Variants in B3GALNT2 observed in about 807,000 individuals in gnomAD.
The protein encoded by B3GALNT2 is beta-1,3-N-acetylgalactosaminyltransferase 2, also known as UDP-GalNAc:beta-1,3-N-acetylgalactosaminyltransferase 2.
A neutral mutation model predicts 61.1 loss-of-function variants in B3GALNT2; 53 were observed. That is an observed-to-expected ratio of 0.87 (90% CI 0.70 to 1.09). B3GALNT2 has a LOEUF of 1.09. Ranked by LOEUF, B3GALNT2 falls within the 50% of genes least tolerant of loss-of-function variation. The pLI is 0.00. For synonymous variants in B3GALNT2, 223 were observed against 237.4 expected (o/e 0.94, Z 0.56); for missense variants, 544 against 623.0 (o/e 0.87, Z 1.35).
intron 4 of B3GALNT2, among the ~76,000 whole-genome samples, chr1:235,481,948 C>T (rs374554435): frequency 1.3e-5 from 2 of 152,080 alleles, no homozygotes; most frequent in African/African-American, 4.8e-5. Flanking sequence ...AGAGGAAGAA[C>T]AGGGCAAATT....
intron 6 of B3GALNT2, among the ~76,000 whole-genome samples, chr1:235,469,751 G>C (rs1384951462): frequency 6.6e-6 from 1 of 150,882 alleles, no homozygotes; most frequent in Admixed American, 6.6e-5. Context: ...TAGTAGAGAC[G>C]GGGTTTCACC....
the B3GALNT2 span, chr1:235,441,971 T>C: frequency 8.9e-7 from 1 of 1,127,900 alleles, no homozygotes; most frequent in South Asian, 1.4e-5. Context: ...GTGTACCTCT[T>C]AAGTACCTAA....
At chr1:235,443,195 T>TATACAC (rs145989548), downstream of B3GALNT2, among the ~76,000 whole-genome samples, 2 of 149,522 alleles carry the variant, frequency 1.3e-5, no homozygotes, top group African/African-American at 5.0e-5. Flanking sequence ...CATATATATA[T>TATACAC]ACACACACAC....
chr1:235,461,755 T>C (rs900404965), intron 7 of B3GALNT2, among the ~76,000 whole-genome samples: 1 of 152,122 alleles, frequency 6.6e-6, no homozygotes, highest in Non-Finnish European at 1.5e-5. Flanking sequence ...GACCTCGTGA[T>C]CCACCTGCCT....
At chr1:235,469,509 T>C (rs1558420605) in intron 6 of B3GALNT2, among the ~76,000 whole-genome samples, 1 of 152,078 alleles carries the variant, frequency 6.6e-6, no homozygotes, top group Non-Finnish European at 1.5e-5. Flanking sequence ...AATCCCAGAG[T>C]TGCTTCAGCA....
At chr1:235,480,190 T>A in intron 4 of B3GALNT2, 41 bp from the exon 5 acceptor site, 1 of 1,609,326 alleles carries the variant, frequency 6.2e-7, no homozygotes, top group Non-Finnish European at 8.5e-7. Flanking sequence ...ATACTTCATG[T>A]TATACATTGC....
intron 1 of B3GALNT2, among the ~76,000 whole-genome samples, chr1:235,503,712 C>G (rs984576213): frequency 6.6e-6 from 1 of 152,074 alleles, no homozygotes; most frequent in Non-Finnish European, 1.5e-5. Flanking sequence ...GCACTAAAAC[C>G]CCAGTCTTGA....
At chr1:235,457,528 T>C (rs1683222970) in intron 8 of B3GALNT2, among the ~76,000 whole-genome samples, 2 of 152,158 alleles carry the variant, frequency 1.3e-5, no homozygotes, top group African/African-American at 2.4e-5. Context: ...ACTATTATTA[T>C]ATATTGTTGC....
At chr1:235,468,555 C>T (rs1490200340) in intron 6 of B3GALNT2, among the ~76,000 whole-genome samples, 1 of 147,618 alleles carries the variant, frequency 6.8e-6, no homozygotes, top group African/African-American at 2.5e-5. Context: ...TGGGTTCAAG[C>T]AATTCTCCTG....
chr1:235,483,871 GGTTTTCT>G (rs368481191), intron 4 of B3GALNT2, among the ~76,000 whole-genome samples: 15 of 152,138 alleles, frequency 9.9e-5, no homozygotes, highest in African/African-American at 2.9e-4. Context: ...AAACCTCACT[GGTTTTCT>G]GTTTTCTGTA....
At chr1:235,484,587 G>C in intron 3 of B3GALNT2, 72 bp from the exon 4 acceptor site, 1 of 1,473,418 alleles carries the variant, frequency 6.8e-7, no homozygotes, top group Non-Finnish European at 9.0e-7. Context: ...AAGTAGTGAA[G>C]TGGGCTTAAT....
chr1:235,463,474 G>A (rs1050605152), intron 7 of B3GALNT2: 1 of 146,748 alleles, frequency 6.8e-6, no homozygotes, highest in Non-Finnish European at 1.5e-5. Context: ...TTAACAAGCT[G>A]ATCATAAAAT....
chr1:235,468,967 T>G (rs1405416215), intron 6 of B3GALNT2, among the ~76,000 whole-genome samples: 1 of 152,178 alleles, frequency 6.6e-6, no homozygotes, highest in Non-Finnish European at 1.5e-5. Flanking sequence ...TTTATTGTCC[T>G]CCATTTACTT....
At chr1:235,498,309 A>G (rs942205239) in intron 1 of B3GALNT2, among the ~76,000 whole-genome samples, 31 of 152,200 alleles carry the variant, frequency 2.0e-4, no homozygotes, top group African/African-American at 7.2e-4. Flanking sequence ...AAACAGAGGG[A>G]AAAAAAGAAA....
intron 1 of B3GALNT2, 129 bp downstream of exon 1, chr1:235,504,012 G>A (rs1685710550): frequency 9.7e-7 from 1 of 1,029,560 alleles, no homozygotes; most frequent in South Asian, 4.9e-5. Flanking sequence ...AGAGCCGTTT[G>A]TTTCGTCTGG....
At chr1:235,482,062 A>T (rs1001122055) in intron 4 of B3GALNT2, among the ~76,000 whole-genome samples, 1 of 152,252 alleles carries the variant, frequency 6.6e-6, no homozygotes, top group African/African-American at 2.4e-5. Context: ...AACACATTTT[A>T]AAAAACTGAA....
At chr1:235,493,066 G>A (rs1685154309) in intron 2 of B3GALNT2, among the ~76,000 whole-genome samples, 2 of 152,150 alleles carry the variant, frequency 1.3e-5, no homozygotes, top group South Asian at 4.1e-4. Context: ...ATAAAATGTA[G>A]GGGGTCAAAG....
chr1:235,455,601 A>G lies in B3GALNT2; in HGVS notation c.1109T>C (p.Ile370Thr). The stretch of plus-strand genomic sequence containing the variant: ...AGGCCCATCCAGATTCTTTTGGACA[A>G]TCCTATTAAATACAGCTTCGAGGTC... ...YIDLEAVFNR[I>T]VQKNLDGPNF... Residue 370 changes from isoleucine to threonine, a missense_variant, in exon 9 of 12, where the codon ATT (isoleucine) becomes ACT (threonine). Ile to Thr is a moderately conservative substitution (Grantham distance 89, BLOSUM62 -1). Transcript: ENST00000366600. 1.2e-6 allele frequency: 2 copies of G among 1,610,282 alleles called. No homozygotes were observed. The highest frequency in any genetic ancestry group is 4.5e-5 in the East Asian group (2 of 44,852).
chr1:235,495,494 C>T (rs1343142630), intron 1 of B3GALNT2, among the ~76,000 whole-genome samples: 1 of 151,836 alleles, frequency 6.6e-6, no homozygotes, highest in South Asian at 2.1e-4. Context: ...CTTTCACTAC[C>T]TACAAAATAT....
Sources: gnomAD v4.1 joint callset for allele counts (sites outside exome capture counted in the v4.1 genomes callset) on GRCh38, gnomAD v4.1.1 for gene constraint, MANE v1.5 for transcripts, NCBI Gene and HGNC (gene_info 2026-07-23, HGNC 2026-07-21) for gene names.